The following IL1RAPL2 variants were observed in gnomAD, a reference collection of about 807,000 sequenced individuals.
IL1RAPL2 encodes interleukin 1 receptor accessory protein like 2.
In IL1RAPL2, 3 loss-of-function variants were observed where a neutral mutation model predicts 44.1. The observed-to-expected ratio is 0.07, with a 90% CI of 0.03 to 0.18. The LOEUF (loss-of-function observed/expected upper bound fraction) is 0.18, where lower values mean the gene tolerates loss of function less well. Ranked by LOEUF, IL1RAPL2 falls within the 10% of genes least tolerant of loss-of-function variation. IL1RAPL2 has a pLI of 1.00. For synonymous variants in IL1RAPL2, 181 were observed against 178.8 expected (o/e 1.01, Z -0.10); for missense variants, 391 against 496.4 (o/e 0.79, Z 2.02).
At position 105,420,990 on chromosome X, in the gene IL1RAPL2, C is replaced by T. The variant is rs1230971001; in HGVS notation, c.698-63323C>T. Among the ~76,000 whole-genome samples, 4 of 111,938 alleles carry T rather than the reference C, an allele frequency of 3.6e-5. No homozygotes were observed. In the Admixed American group the frequency reaches 3.8e-4, roughly 11 times the overall value. ...AACCCCAGAAATCTAAGACAGGTCTCAGTTAATTTAGAAAGTTTATTTTGC... is the reference window on the plus strand; with the variant it reads ...AACCCCAGAAATCTAAGACAGGTCTTAGTTAATTTAGAAAGTTTATTTTGC... On this transcript the variant is annotated intron_variant, in intron 5 of 10. Coordinates refer to ENST00000372582, the MANE Select transcript of IL1RAPL2 (RefSeq NM_017416.2).
chrX:105,078,346 C>T (rs1218117362), intron 2 of IL1RAPL2, among the ~76,000 whole-genome samples: 3 of 111,519 alleles, frequency 2.7e-5, no homozygotes, highest in Admixed American at 9.5e-5. Context: ...TGCAGAACAG[C>T]GGGTATTGGT....
At chrX:105,594,546 A>G (rs1257654877) in intron 6 of IL1RAPL2, among the ~76,000 whole-genome samples, 1 of 111,607 alleles carries the variant, frequency 9.0e-6, no homozygotes, top group Non-Finnish European at 1.9e-5. Flanking sequence ...GACAAGTATT[A>G]TTATTCTTAT....
At chrX:104,949,582 T>A (rs769705007) in intron 2 of IL1RAPL2, among the ~76,000 whole-genome samples, 53 of 106,886 alleles carry the variant, frequency 5.0e-4, no homozygotes, top group Non-Finnish European at 9.1e-4. Context: ...CTCTACACAC[T>A]GCTTTGAATG....
At chrX:104,836,794 C>T (rs866453767) in intron 2 of IL1RAPL2, among the ~76,000 whole-genome samples, 2 of 110,840 alleles carry the variant, frequency 1.8e-5, no homozygotes, top group Admixed American at 9.6e-5. Context: ...CATAGGTATA[C>T]GTGTTCCATG....
chrX:105,053,796 T>C (rs1458960991), intron 2 of IL1RAPL2, among the ~76,000 whole-genome samples: 4 of 111,829 alleles, frequency 3.6e-5, no homozygotes, highest in Non-Finnish European at 7.5e-5. Flanking sequence ...AAAACACTTA[T>C]AATGTTAAAC....
At chrX:104,596,226 C>T (rs1928762330) in intron 1 of IL1RAPL2, among the ~76,000 whole-genome samples, 1 of 111,538 alleles carries the variant, frequency 9.0e-6, no homozygotes, top group South Asian at 3.7e-4. Context: ...AGTATTTTAA[C>T]TCATTTGCCA....
chrX:104,892,739 A>T (rs758088103), intron 2 of IL1RAPL2, among the ~76,000 whole-genome samples: 11 of 111,008 alleles, frequency 9.9e-5, no homozygotes, highest in African/African-American at 3.6e-4. Flanking sequence ...TTTTCAAAAA[A>T]CCAGCTCCTG....
intron 6 of IL1RAPL2, among the ~76,000 whole-genome samples, chrX:105,647,116 A>G (rs1047969009): frequency 3.4e-4 from 38 of 112,144 alleles, no homozygotes; most frequent in African/African-American, 1.2e-3. Context: ...TTAGCTGCAC[A>G]GGAACAATAG....
intron 2 of IL1RAPL2, among the ~76,000 whole-genome samples, chrX:104,913,853 A>G (rs1924326707): frequency 8.9e-6 from 1 of 112,211 alleles, no homozygotes; most frequent in African/African-American, 3.2e-5. Flanking sequence ...ATGTACTAGA[A>G]TATTAGGTTT....
At chrX:105,106,247 T>C (rs1569383684) in intron 2 of IL1RAPL2, among the ~76,000 whole-genome samples, 1 of 111,524 alleles carries the variant, frequency 9.0e-6, no homozygotes, top group Non-Finnish European at 1.9e-5. Context: ...CCTAAAAATG[T>C]ATGAAGAATG....
At chrX:104,939,658 G>A (rs1294324169) in intron 2 of IL1RAPL2, among the ~76,000 whole-genome samples, 1 of 111,553 alleles carries the variant, frequency 9.0e-6, no homozygotes, top group Non-Finnish European at 1.9e-5. Flanking sequence ...GTTCATGGTG[G>A]CACTATTCAC....
chrX:105,212,351 A>T (rs1380782655), intron 3 of IL1RAPL2, among the ~76,000 whole-genome samples: 3 of 111,947 alleles, frequency 2.7e-5, no homozygotes, highest in Non-Finnish European at 5.6e-5. Flanking sequence ...GCTGGGAGGT[A>T]TGGACTGGGT....
chrX:105,545,674 C>T (rs1434486730), intron 6 of IL1RAPL2, among the ~76,000 whole-genome samples: 4 of 111,768 alleles, frequency 3.6e-5, no homozygotes, highest in Non-Finnish European at 5.6e-5. Context: ...TATTGATGCT[C>T]ACCTATATGT....
chrX:104,832,241 AT>A (rs1921630513), intron 2 of IL1RAPL2, among the ~76,000 whole-genome samples: 1 of 112,236 alleles, frequency 8.9e-6, no homozygotes, highest in Non-Finnish European at 1.9e-5. Context: ...CGCTACAGCC[AT>A]TTAATTTTTT....
At chrX:105,189,508 G>C (rs1261942682) in intron 2 of IL1RAPL2, among the ~76,000 whole-genome samples, 1 of 111,900 alleles carries the variant, frequency 8.9e-6, no homozygotes, top group East Asian at 2.8e-4. Context: ...TGAGATCACA[G>C]GTGTGAGCCA....
At chrX:105,577,266 G>A (rs1020160618) in intron 6 of IL1RAPL2, among the ~76,000 whole-genome samples, 1 of 111,352 alleles carries the variant, frequency 9.0e-6, no homozygotes, top group African/African-American at 3.3e-5. Context: ...GCCAGTAAAA[G>A]CATTCCTAAA....
rs187523008 is a variant in IL1RAPL2, at chrX:105,032,498, C to A, written c.83-162977C>A. Among the ~76,000 whole-genome samples, 12 of 111,232 alleles carry A rather than the reference C, an allele frequency of 1.1e-4. 1 individual carries two copies. Among genetic ancestry groups the A allele is most frequent in the African/African-American group, 2.9e-4 (9 of 30,574 alleles). ...TTTCGTTATTTCCCCGTATTCATTCCGGAGCAGGTTGTTCACTTTCCATGT... is the reference window on the plus strand; with the variant it reads ...TTTCGTTATTTCCCCGTATTCATTCAGGAGCAGGTTGTTCACTTTCCATGT... On this transcript the variant is annotated intron_variant, in intron 2 of 10. Coordinates refer to ENST00000372582, the MANE Select transcript of IL1RAPL2 (RefSeq NM_017416.2).
At chrX:104,983,457 A>AATATT (rs370742941) in intron 2 of IL1RAPL2, among the ~76,000 whole-genome samples, 5 of 40,879 alleles carry the variant, frequency 1.2e-4, no homozygotes, top group Admixed American at 2.5e-4. Context: ...AATATTATAT[A>AATATT]ATATTAGATA....
At chrX:105,363,333 TTCA>T (rs2147713165) in intron 5 of IL1RAPL2, among the ~76,000 whole-genome samples, 1 of 92,424 alleles carries the variant, frequency 1.1e-5, no homozygotes, top group Non-Finnish European at 2.1e-5. Flanking sequence ...ATATATATTC[TTCA>T]TTCATTCATT....
Sources: gnomAD v4.1 joint callset for allele counts (sites outside exome capture counted in the v4.1 genomes callset) on GRCh38, gnomAD v4.1.1 for gene constraint, MANE v1.5 for transcripts, NCBI Gene and HGNC (gene_info 2026-07-23, HGNC 2026-07-21) for gene names.